The following PPP4R4 variants were observed in gnomAD, a reference collection of about 807,000 sequenced individuals.
PPP4R4 encodes protein phosphatase 4 regulatory subunit 4.
In PPP4R4, 70 loss-of-function variants were observed where a neutral mutation model predicts 121.8. The ratio of observed to expected loss-of-function variants is 0.57; its 90% CI spans 0.47 to 0.70. The LOEUF (loss-of-function observed/expected upper bound fraction) is 0.70. PPP4R4 is among the 30% of genes least tolerant of loss of function. The probability of loss-of-function intolerance (pLI) is 0.00; values close to 1 mark genes in which losing one functional copy is unlikely to be tolerated. For synonymous variants in PPP4R4, 348 were observed against 355.7 expected (o/e 0.98, Z 0.24); for missense variants, 875 against 1,033.6 (o/e 0.85, Z 2.10).
intron 6 of PPP4R4, 130 bp from the exon 7 acceptor site, chr14:94,234,432 A>G (rs1892215296): frequency 1.6e-6 from 1 of 619,576 alleles, no homozygotes. Context: ...TACCTTGTAA[A>G]CTATTATTTT....
At position 94,256,541 on chromosome 14, in the gene PPP4R4, A is replaced by T. The variant is rs758129319; in HGVS notation, c.1947A>T (p.Glu649Asp). ...ATAAGCATCTACTTCAGCAGTTAGA[A>T]ATGTGTGTGAGGAAACTCCTGTGTC... The part of the protein sequence containing the change: ...PADKHLLQQL[E>D]MCVRKLLCQE... Residue 649 changes from glutamate (E) to aspartate (D), a missense_variant, in exon 17 of 25, where the codon GAA (glutamate) becomes GAT (aspartate). Physicochemically the swap from Glu to Asp is conservative, Grantham distance 45 (BLOSUM62 2). Coordinates refer to ENST00000304338, the MANE Select transcript of PPP4R4 (RefSeq NM_058237.2). The T allele has an allele frequency of 1.0e-5, 16 of 1,603,930 alleles. No homozygotes were observed. Among genetic ancestry groups the T allele is most frequent in the Non-Finnish European group, 1.3e-5 (15 of 1,171,446 alleles).
At chr14:94,246,712 C>A (rs183017291) in intron 14 of PPP4R4, among the ~76,000 whole-genome samples, 173 bp downstream of exon 14, 1 of 152,292 alleles carries the variant, frequency 6.6e-6, no homozygotes, top group Admixed American at 6.5e-5. Flanking sequence ...TTTGCCTCCC[C>A]ACTAGGTCTC....
intron 16 of PPP4R4, among the ~76,000 whole-genome samples, chr14:94,254,402 A>T (rs983000126): frequency 1.3e-5 from 2 of 152,212 alleles, no homozygotes; most frequent in African/African-American, 4.8e-5. Flanking sequence ...GAAATAATTT[A>T]TTTGGGGGGA....
At chr14:94,211,774 A>G (rs1456703678) in intron 3 of PPP4R4, among the ~76,000 whole-genome samples, 2 of 152,196 alleles carry the variant, frequency 1.3e-5, no homozygotes, top group African/African-American at 2.4e-5. Context: ...TAATTAAGAC[A>G]GTAGAGAGCA....
At chr14:94,221,249 T>G (rs1891374082) in intron 3 of PPP4R4, among the ~76,000 whole-genome samples, 1 of 152,146 alleles carries the variant, frequency 6.6e-6, no homozygotes, top group Admixed American at 6.5e-5. Flanking sequence ...TGTTAAAGAC[T>G]GAAATTATTA....
intron 2 of PPP4R4, among the ~76,000 whole-genome samples, chr14:94,180,261 A>G (rs1213502103): frequency 6.6e-6 from 1 of 152,238 alleles, no homozygotes; most frequent in Non-Finnish European, 1.5e-5. Flanking sequence ...ATAAACGGAC[A>G]AAGTATACCA....
intron 16 of PPP4R4, among the ~76,000 whole-genome samples, chr14:94,254,279 T>C (rs1893348201): frequency 6.6e-6 from 1 of 152,196 alleles, no homozygotes; most frequent in Non-Finnish European, 1.5e-5. Context: ...GTTAAGTGTT[T>C]TTGTTTTTCC....
At chr14:94,178,214 T>C (rs546066514) in intron 2 of PPP4R4, among the ~76,000 whole-genome samples, 71 of 152,316 alleles carry the variant, frequency 4.7e-4, no homozygotes, top group African/African-American at 1.7e-3. Flanking sequence ...CTATTGTAGA[T>C]GTAATTTATT....
chr14:94,234,656 G>T lies in PPP4R4; in HGVS notation c.718G>T (p.Ala240Ser), dbSNP rs1333366115. The T allele has an allele frequency of 6.3e-7, 1 of 1,586,004 alleles. No individual in the cohort carries two copies. ...SCMCRQLENI[A>S]QGIGTELTKS... ...TATGTGTCGGCAATTAGAAAATATA[G>T]CCCAGGGCATTGGGTAGGTATACTT... The change falls in exon 7 of 25, where the codon GCC becomes TCC. Residue 240 changes from alanine (A) to serine (S), a missense_variant. Physicochemically the swap from Ala to Ser is moderately conservative, Grantham distance 99. Coordinates refer to ENST00000304338, the MANE Select transcript of PPP4R4 (RefSeq NM_058237.2).
At chr14:94,274,561 T>TA (rs1894532039) in intron 23 of PPP4R4, among the ~76,000 whole-genome samples, 2 of 152,072 alleles carry the variant, frequency 1.3e-5, no homozygotes, top group African/African-American at 4.8e-5. Flanking sequence ...TTAAAAGCAA[T>TA]AAAAAAAGCA....
intron 3 of PPP4R4, among the ~76,000 whole-genome samples, chr14:94,223,237 T>C (rs1436211637): frequency 1.3e-5 from 2 of 152,234 alleles, no homozygotes; most frequent in East Asian, 3.8e-4. Flanking sequence ...CTTATATATG[T>C]TGATATTATT....
Position 94,279,298 on chromosome 14 carries a change from G to T in PPP4R4, c.*655G>T, listed in dbSNP as rs1452303348. 1 of 152,514 alleles carries T rather than the reference G, an allele frequency of 6.6e-6. No homozygotes were observed. The highest frequency in any genetic ancestry group is 1.5e-5 in the Non-Finnish European group (1 of 68,014). 9.4% of individuals were successfully genotyped at this position (152,514 alleles called of 1,614,324 possible). On this transcript the variant is annotated 3_prime_UTR_variant, in exon 25 of 25. Transcript: ENST00000304338. The stretch of plus-strand genomic sequence containing the variant: ...AATACCTTAAAAATAATAGATTGAT[G>T]ATTTTCTTTATTTCCTAGAGAATTT...
intron 2 of PPP4R4, among the ~76,000 whole-genome samples, chr14:94,194,205 TG>T (rs1435137251): frequency 7.2e-5 from 11 of 152,218 alleles, no homozygotes; most frequent in African/African-American, 2.7e-4. Context: ...TAACTAGTCT[TG>T]TTTTTTTCAG....
intron 3 of PPP4R4, chr14:94,227,960 G>A (rs1262379172): frequency 2.4e-6 from 2 of 842,822 alleles, no homozygotes; most frequent in Non-Finnish European, 2.9e-6. Context: ...AAGGGGTATG[G>A]GAGGATTGAT....
chr14:94,267,384 G>A (rs991247861), intron 23 of PPP4R4, among the ~76,000 whole-genome samples: 4 of 152,188 alleles, frequency 2.6e-5, no homozygotes, highest in African/African-American at 9.6e-5. Flanking sequence ...TAGATGAACA[G>A]CTAGACATTT....
At chr14:94,237,490 A>C (rs12891061) in intron 7 of PPP4R4, 75 bp from the exon 8 acceptor site, 19,549 of 1,386,626 alleles carry the variant, frequency 0.014, 184 homozygotes, top group Non-Finnish European at 0.018. Flanking sequence ...CAACTAGCCC[A>C]GTCACTGGTT....
intron 8 of PPP4R4, among the ~76,000 whole-genome samples, chr14:94,237,917 A>T (rs1420343442): frequency 6.6e-6 from 1 of 152,174 alleles, no homozygotes. Flanking sequence ...CAGGTAATTT[A>T]TAAAGGAATT....
At chr14:94,247,444 T>G (rs1168810697) in intron 14 of PPP4R4, among the ~76,000 whole-genome samples, 2 of 152,218 alleles carry the variant, frequency 1.3e-5, no homozygotes, top group Non-Finnish European at 2.9e-5. Flanking sequence ...CTCCCATCTT[T>G]GACCCACTGC....
At chr14:94,270,608 G>A (rs908062528) in intron 23 of PPP4R4, among the ~76,000 whole-genome samples, 1 of 152,094 alleles carries the variant, frequency 6.6e-6, no homozygotes, top group African/African-American at 2.4e-5. Flanking sequence ...AATGGTGCTG[G>A]ATGGACCAAT....
Sources: allele counts gnomAD v4.1 joint callset (sites outside exome capture counted in the v4.1 genomes callset), GRCh38; gene constraint gnomAD v4.1.1; transcripts MANE v1.5; gene names NCBI Gene and HGNC (gene_info 2026-07-23, HGNC 2026-07-21).